The following SLC1A2 variants were observed in gnomAD, a reference collection of about 807,000 sequenced individuals.
The protein encoded by SLC1A2 is solute carrier family 1 member 2.
A neutral mutation model predicts 48.8 loss-of-function variants in SLC1A2; 15 were observed. The observed-to-expected ratio is 0.31, with a 90% CI of 0.21 to 0.47. The LOEUF (loss-of-function observed/expected upper bound fraction) is 0.47, where lower values mean the gene tolerates loss of function less well. Among genes scored for constraint, SLC1A2 ranks in the 20% least tolerant of loss-of-function variants. The probability of loss-of-function intolerance (pLI) is 0.99; values close to 1 mark genes in which losing one functional copy is unlikely to be tolerated. For synonymous variants in SLC1A2, 279 were observed against 272.6 expected, an observed-to-expected ratio of 1.02 and a Z score of -0.23; for missense variants, 502 against 730.5, an observed-to-expected ratio of 0.69 and a Z score of 3.61.
chr11:35,412,559 G>T (rs556991250), intron 1 of SLC1A2, among the ~76,000 whole-genome samples: 10 of 152,086 alleles, frequency 6.6e-5, no homozygotes, highest in Non-Finnish European at 1.2e-4. Flanking sequence ...ACAGAAATAC[G>T]CCTCTGAAAG....
At position 35,346,759 on chromosome 11, in the gene SLC1A2, A is replaced by G. The variant is rs550826077; in HGVS notation, c.18-29243T>C. ...AGTCAGAAAGGGCTTTCTCAGTGAAATGACAGTGAAGCGGAGACTCATAGG... is the reference window on the plus strand; with the variant it reads ...AGTCAGAAAGGGCTTTCTCAGTGAAGTGACAGTGAAGCGGAGACTCATAGG... On this transcript the variant is annotated intron_variant, in intron 1 of 10. Coordinates refer to ENST00000278379, the MANE Select transcript of SLC1A2 (RefSeq NM_004171.4). Among the ~76,000 whole-genome samples the G allele has an allele frequency of 5.2e-5, 8 of 152,388 alleles. No individual in the cohort carries two copies. The East Asian group carries it at 1.3e-3, about 26-fold the overall frequency.
chr11:35,300,201 C>T (rs574034993), intron 6 of SLC1A2, among the ~76,000 whole-genome samples: 125 of 152,326 alleles, frequency 8.2e-4, no homozygotes, highest in Non-Finnish European at 1.6e-3. Context: ...CCTGCTTATG[C>T]ATCAAGGGTT....
At chr11:35,304,251 G>C (rs554447931) in intron 5 of SLC1A2, among the ~76,000 whole-genome samples, 2 of 152,160 alleles carry the variant, frequency 1.3e-5, no homozygotes, top group Admixed American at 1.3e-4. Context: ...AAACAACCAG[G>C]AAAGTCTTTG....
chr11:35,395,381 G>A (rs1854920658), intron 1 of SLC1A2, among the ~76,000 whole-genome samples: 1 of 152,046 alleles, frequency 6.6e-6, no homozygotes, highest in Non-Finnish European at 1.5e-5. Context: ...TTAAGGGACA[G>A]GAGAGCAAAG....
At chr11:35,293,790 T>G (rs945844415) in intron 6 of SLC1A2, among the ~76,000 whole-genome samples, 8 of 152,138 alleles carry the variant, frequency 5.3e-5, no homozygotes, top group Non-Finnish European at 8.8e-5. Flanking sequence ...CTTTCCTGGA[T>G]TAAAGAAAAA....
At chr11:35,374,567 A>G (rs1398578897) in intron 1 of SLC1A2, 1 of 174,734 alleles carries the variant, frequency 5.7e-6, no homozygotes, top group Non-Finnish European at 1.2e-5. Flanking sequence ...CACTAATGAT[A>G]GCTGATGAGC....
chr11:35,312,000 G>A (rs938778563), intron 4 of SLC1A2, 198 bp downstream of exon 4: 33 of 320,446 alleles, frequency 1.0e-4, no homozygotes, highest in Admixed American at 9.1e-5. Context: ...AAAAAGGGAT[G>A]TTTAAAAAAA....
intron 9 of SLC1A2, among the ~76,000 whole-genome samples, chr11:35,279,439 A>T (rs1485748394): frequency 2.0e-5 from 3 of 152,226 alleles, no homozygotes; most frequent in Admixed American, 2.0e-4. Context: ...GCCTTTGAGG[A>T]TGTCCGTCTT....
chr11:35,369,899 C>T (rs1291854840), intron 1 of SLC1A2, among the ~76,000 whole-genome samples: 2 of 152,174 alleles, frequency 1.3e-5, no homozygotes, highest in African/African-American at 4.8e-5. Context: ...AAGTAAGAAA[C>T]AGTCCATATA....
chr11:35,312,573 T>A, intron 3 of SLC1A2, 125 bp from the exon 4 acceptor site: 1 of 1,126,752 alleles, frequency 8.9e-7, no homozygotes, highest in Non-Finnish European at 1.3e-6. Context: ...AATCTCCTAC[T>A]GTAGTCTTCC....
In SLC1A2 at chr11:35,251,791, C is replaced by T. The variant is rs144196919; in HGVS notation, c.*9103G>A. On this transcript the variant is annotated 3_prime_UTR_variant, in exon 11 of 11. Coordinates refer to ENST00000278379, the MANE Select transcript of SLC1A2 (RefSeq NM_004171.4). ...CCCTGATGATATTGTAGGCTTTACC[C>T]TTCTTGGGAAAAGAGTAGGGCACTC... The T allele has an allele frequency of 2.0e-5, 3 of 152,624 alleles. 1 individual carries two copies. The highest frequency in any genetic ancestry group is 2.0e-4 in the Admixed American group (3 of 15,278). 9.5% of individuals were successfully genotyped at this position (152,624 alleles called of 1,614,324 possible).
intron 8 of SLC1A2, among the ~76,000 whole-genome samples, chr11:35,284,024 G>GCAGCCATTACA (rs1294442452): frequency 2.4e-4 from 35 of 147,718 alleles, no homozygotes; most frequent in African/African-American, 8.7e-4. Context: ...TTCCCATTAC[G>GCAGCCATTACA]CAGATGAGGA....
chr11:35,361,612 A>T (rs922634037), intron 1 of SLC1A2, among the ~76,000 whole-genome samples: 1 of 152,126 alleles, frequency 6.6e-6, no homozygotes, highest in African/African-American at 2.4e-5. Context: ...GAGGGGACAA[A>T]TGGGTGAGAA....
At chr11:35,345,789 A>G (rs1293529418) in intron 1 of SLC1A2, among the ~76,000 whole-genome samples, 1 of 152,260 alleles carries the variant, frequency 6.6e-6, no homozygotes, top group African/African-American at 2.4e-5. Flanking sequence ...GAAAAATACA[A>G]TGATGAATAT....
intron 1 of SLC1A2, among the ~76,000 whole-genome samples, chr11:35,328,207 T>C (rs981223180): frequency 6.6e-6 from 1 of 152,062 alleles, no homozygotes; most frequent in East Asian, 1.9e-4. Context: ...ACAGGAACCA[T>C]CCTATTCCCA....
Position 35,419,025 on chromosome 11 carries a change from AG to A in SLC1A2, c.-60del. 4 of 1,504,018 alleles carry A rather than the reference AG, an allele frequency of 2.7e-6. No homozygotes were observed. Among genetic ancestry groups the A allele is most frequent in the Non-Finnish European group, 3.6e-6 (4 of 1,110,478 alleles). 93.2% of individuals were successfully genotyped at this position (1,504,018 alleles called of 1,614,324 possible). A position where few individuals can be genotyped will look rare whatever the true frequency, so the allele number is the denominator to read the frequency against. Reference sequence around the variant, plus strand: ...TCCGGCAGCTGTGGGCGAGGGAGAAAGCGGACGCCGGGGTGAGCGCGAAGTG... The same window carrying A: ...TCCGGCAGCTGTGGGCGAGGGAGAAACGGACGCCGGGGTGAGCGCGAAGTG... On this transcript the variant is annotated 5_prime_UTR_variant, in exon 1 of 11. Transcript: ENST00000278379. The surrounding 1 kb of genome is among the most constrained non-coding windows in gnomAD (Gnocchi z 5.4).
At chr11:35,336,000 G>T (rs1852616432) in intron 1 of SLC1A2, among the ~76,000 whole-genome samples, 1 of 152,170 alleles carries the variant, frequency 6.6e-6, no homozygotes, top group South Asian at 2.1e-4. Context: ...AAAGGAATAA[G>T]ATCATCTCCT....
chr11:35,315,005 C>A lies in SLC1A2; in HGVS notation c.310+18G>T, dbSNP rs949441092. On this transcript the variant is annotated intron_variant, in intron 3 of 10. Coordinates refer to ENST00000278379, the MANE Select transcript of SLC1A2 (RefSeq NM_004171.4). ...GAGTATGACCCATGTTAGCCAGGCA[C>A]TAGTGAGGTAGTCTTACCTGTGATT... 1 of 1,601,062 alleles carries A rather than the reference C, an allele frequency of 6.2e-7. No individual in the cohort carries two copies.
rs565454488 is a variant in SLC1A2, at chr11:35,363,302, T to C, written c.18-45786A>G. ...ACAATTTTGGGGTTGTTCCAGACCG[T>C]GGATGTCTGAGTAGGAGGCAGACAG... On this transcript the variant is annotated intron_variant, in intron 1 of 10. Transcript: ENST00000278379. Among the ~76,000 whole-genome samples, 3 of 152,176 alleles carry C rather than the reference T, an allele frequency of 2.0e-5. No homozygotes were observed. The South Asian group carries it at 6.2e-4, about 32-fold the overall frequency.
Sources: gnomAD v4.1 joint callset for allele counts (sites outside exome capture counted in the v4.1 genomes callset) on GRCh38, gnomAD v4.1.1 for gene constraint, Gnocchi (gnomAD v3.1) non-coding constraint, MANE v1.5 for transcripts, NCBI Gene and HGNC (gene_info 2026-07-23, HGNC 2026-07-21) for gene names.